MGAT4C: variants seen among roughly 807,000 people sequenced by gnomAD.
MGAT4C encodes alpha-1,3-mannosyl-glycoprotein 4-beta-N-acetylglucosaminyltransferase C.
In MGAT4C, 19 loss-of-function variants were observed where a neutral mutation model predicts 40.1. The ratio of observed to expected loss-of-function variants is 0.47; its 90% CI spans 0.33 to 0.70. The LOEUF (loss-of-function observed/expected upper bound fraction) is 0.70, where lower values mean the gene tolerates loss of function less well. Among genes scored for constraint, MGAT4C ranks in the 30% least tolerant of loss-of-function variants. The pLI, the probability that MGAT4C is intolerant of heterozygous loss-of-function variation, is 0.02. For missense variants in MGAT4C, 491 were observed against 563.2 expected (o/e 0.87, Z 1.30); for synonymous variants, 181 against 187.1 (o/e 0.97, Z 0.27).
chr12:86,622,298 G>A (rs1447853826), intron 2 of MGAT4C, among the ~76,000 whole-genome samples: 2 of 152,070 alleles, frequency 1.3e-5, no homozygotes, highest in Non-Finnish European at 2.9e-5. Context: ...TCAGGAAAGA[G>A]TACTAGTGAT....
chr12:86,648,799 A>AT (rs1446683562), intron 2 of MGAT4C, among the ~76,000 whole-genome samples: 5 of 151,842 alleles, frequency 3.3e-5, no homozygotes, highest in African/African-American at 1.2e-4. Flanking sequence ...TACAAGGTAA[A>AT]TTGTTTATAT....
intron 2 of MGAT4C, among the ~76,000 whole-genome samples, chr12:86,455,506 A>C (rs1170395169): frequency 2.6e-5 from 4 of 152,148 alleles, no homozygotes; most frequent in Admixed American, 2.6e-4. Context: ...AATTAAAAAT[A>C]ATTTAAAAAG....
In MGAT4C at chr12:85,966,297, T is replaced by A. The variant is rs1346601509; in HGVS notation, c.*12992A>T. ...GCTTGTGGATGAAGCCGCATGTCTC[T>A]TTTTTTTTTAACCTGGCATATAACA... On this transcript the variant is annotated 3_prime_UTR_variant, in exon 5 of 5. Transcript: ENST00000611864. 4 of 148,204 alleles carry A rather than the reference T, an allele frequency of 2.7e-5. No homozygotes were observed. The South Asian group carries it at 8.5e-4, about 32-fold the overall frequency. 9.2% of individuals were successfully genotyped at this position (148,204 alleles called of 1,614,324 possible).
chr12:86,673,158 C>T lies in MGAT4C; in HGVS notation c.-229+54051G>A, dbSNP rs907931366. 2.6e-5 allele frequency among the ~76,000 whole-genome samples: 4 copies of T among 152,062 alleles called. No homozygotes were observed. The East Asian group carries it at 5.8e-4, about 22-fold the overall frequency. ...TTCAAGGTACTATTGACAGGGCTTA[C>T]GGGAACCGTTCTATAGAAAAACGCT... On this transcript the variant is annotated intron_variant, in intron 2 of 7. Coordinates refer to the MGAT4C transcript ENST00000548651.
rs183981529 is a variant in MGAT4C, at chr12:85,982,715, T to A, written c.295+808A>T. Among the ~76,000 whole-genome samples the A allele has an allele frequency of 1.3e-3, 195 of 152,260 alleles. 5 individuals are homozygous for A. The East Asian group carries it at 0.028, about 22-fold the overall frequency. ...TGTGTTGAATAGTTTCCTCCAAAAA[T>A]TCATGTCTACTTGGAACCTCAGAAT... On this transcript the variant is annotated intron_variant, in intron 4 of 4. Transcript: ENST00000611864.
intron 2 of MGAT4C, among the ~76,000 whole-genome samples, chr12:86,708,784 A>G (rs1213052796): frequency 1.3e-5 from 2 of 152,092 alleles, no homozygotes; most frequent in African/African-American, 4.8e-5. Context: ...TGGGGCCTGA[A>G]ACCTCTTTGT....
At chr12:86,307,313 T>G (rs532917807) in intron 4 of MGAT4C, among the ~76,000 whole-genome samples, 1 of 150,818 alleles carries the variant, frequency 6.6e-6, no homozygotes, top group South Asian at 2.1e-4. Flanking sequence ...ATGAATTACA[T>G]AAAATAAACT....
intron 1 of MGAT4C, among the ~76,000 whole-genome samples, chr12:86,731,482 G>T (rs1411553224): frequency 1.3e-5 from 2 of 151,946 alleles, no homozygotes; most frequent in African/African-American, 4.8e-5. Context: ...TGAGTCTTTT[G>T]TTGAATCATC....
chr12:86,364,877 G>A (rs528695271), intron 3 of MGAT4C, among the ~76,000 whole-genome samples: 1 of 152,320 alleles, frequency 6.6e-6, no homozygotes, highest in Admixed American at 6.5e-5. Flanking sequence ...TGGAGGCAGG[G>A]TGAGATCACA....
chr12:86,390,965 C>A (rs1485384078), intron 3 of MGAT4C, among the ~76,000 whole-genome samples: 2 of 152,126 alleles, frequency 1.3e-5, no homozygotes, highest in African/African-American at 4.8e-5. Flanking sequence ...GGAAATATTT[C>A]CTATGAATAA....
intron 2 of MGAT4C, among the ~76,000 whole-genome samples, chr12:86,578,981 AT>A (rs1425231079): frequency 6.6e-6 from 1 of 151,234 alleles, no homozygotes; most frequent in Non-Finnish European, 1.5e-5. Flanking sequence ...AAGTATAGTG[AT>A]TCCTGCTTTT....
At chr12:86,041,675 T>A (rs1463485937) in intron 2 of MGAT4C, among the ~76,000 whole-genome samples, 1 of 152,212 alleles carries the variant, frequency 6.6e-6, no homozygotes, top group East Asian at 1.9e-4. Flanking sequence ...AGTGCTGTGG[T>A]CTGATTCTGT....
At position 85,976,481 on chromosome 12, in the gene MGAT4C, A is replaced by G. The variant is rs1883991767; in HGVS notation, c.*2808T>C. The G allele has an allele frequency of 6.6e-6, 1 of 150,646 alleles. No homozygotes were observed. The highest frequency in any genetic ancestry group is 2.4e-5 in the African/African-American group (1 of 41,242). The allele number at this position is 150,646 out of a possible 1,614,324, so 9.3% of individuals were successfully genotyped here. On this transcript the variant is annotated 3_prime_UTR_variant, in exon 5 of 5. Coordinates refer to ENST00000611864, the MANE Select transcript of MGAT4C (RefSeq NM_001351288.2). ...CCTAAGGAGAATTTTAAGACTAAGT[A>G]AGGTTTTTAGTGAGCTTAAATTATA...
intron 2 of MGAT4C, among the ~76,000 whole-genome samples, chr12:86,474,108 C>T (rs943565847): frequency 7.9e-5 from 12 of 151,918 alleles, no homozygotes; most frequent in Non-Finnish European, 1.3e-4. Flanking sequence ...ATAGCAAAGA[C>T]TTGGAACCAA....
intron 1 of MGAT4C, among the ~76,000 whole-genome samples, chr12:86,066,574 A>G (rs891327615): frequency 6.6e-6 from 1 of 152,192 alleles, no homozygotes; most frequent in African/African-American, 2.4e-5. Flanking sequence ...GATGGATTAA[A>G]TACGTATATG....
rs369617850 is a variant in MGAT4C, at chr12:86,710,485, C to G, written c.-229+16724G>C. 3.3e-5 allele frequency among the ~76,000 whole-genome samples: 5 copies of G among 152,124 alleles called. No individual in the cohort carries two copies. In the East Asian group the frequency reaches 9.6e-4, roughly 29 times the overall value. On this transcript the variant is annotated intron_variant, in intron 2 of 7. Transcript: ENST00000548651. ...TGTAATAATTTATTGACTCTTTTGA[C>G]TTTTTAATTATGGCCATTCTTCAAG...
chr12:86,637,116 C>T (rs1341670949), intron 2 of MGAT4C, among the ~76,000 whole-genome samples: 1 of 151,840 alleles, frequency 6.6e-6, no homozygotes. Flanking sequence ...CAGGACAATT[C>T]TGTACAGAAA....
At chr12:86,815,531 A>G (rs906144421) in intron 1 of MGAT4C, among the ~76,000 whole-genome samples, 3 of 151,758 alleles carry the variant, frequency 2.0e-5, no homozygotes, top group Non-Finnish European at 4.4e-5. Flanking sequence ...TTATTCAAAA[A>G]AAAAAATACA....
intron 1 of MGAT4C, among the ~76,000 whole-genome samples, chr12:86,169,123 T>C (rs1023841270): frequency 6.6e-6 from 1 of 152,160 alleles, no homozygotes; most frequent in African/African-American, 2.4e-5. Context: ...CATTAATAAA[T>C]AGTGATGTTA....
Sources: gnomAD v4.1 joint callset for allele counts (sites outside exome capture counted in the v4.1 genomes callset) on GRCh38, gnomAD v4.1.1 for gene constraint, MANE v1.5 for transcripts, NCBI Gene and HGNC (gene_info 2026-07-23, HGNC 2026-07-21) for gene names.